The following LRRCC1 variants were observed in gnomAD, a reference collection of about 807,000 sequenced individuals.
LRRCC1 encodes the protein leucine rich repeat and coiled-coil centrosomal protein 1, also known as leucine-rich repeat and coiled-coil domain-containing protein 1.
Under a neutral mutation model 126.0 loss-of-function variants are expected in LRRCC1, and 115 were observed. The ratio of observed to expected loss-of-function variants is 0.91; its 90% confidence interval spans 0.78 to 1.07. The LOEUF (loss-of-function observed/expected upper bound fraction) is 1.07, where lower values mean the gene tolerates loss of function less well. LRRCC1 is among the 50% of genes least tolerant of loss of function. The probability of loss-of-function intolerance (pLI) is 0.00; values close to 1 mark genes in which losing one functional copy is unlikely to be tolerated. For synonymous variants in LRRCC1, 400 were observed against 393.4 expected, an observed-to-expected ratio of 1.02 and a Z score of -0.20; for missense variants, 1,172 against 1,175.7, an observed-to-expected ratio of 1.00 and a Z score of 0.05.
At chr8:85,140,576 C>T (rs1811184969) in intron 17 of LRRCC1, among the ~76,000 whole-genome samples, 2 of 151,948 alleles carry the variant, frequency 1.3e-5, no homozygotes, top group Admixed American at 1.3e-4. Context: ...ATTGTTTTAC[C>T]TCCAGGATAC....
chr8:85,137,679 C>G lies in LRRCC1; in HGVS notation c.2493+52C>G, dbSNP rs73261894. The G allele has an allele frequency of 7.7e-3, 9,816 of 1,276,732 alleles. 645 individuals are homozygous for G. In the African/African-American group the frequency reaches 0.14, roughly 18 times the overall value. 79.1% of individuals were successfully genotyped at this position (1,276,732 alleles called of 1,614,324 possible). On this transcript the variant is annotated intron_variant, in intron 15 of 18. Coordinates refer to ENST00000360375, the MANE Select transcript of LRRCC1 (RefSeq NM_033402.5). ...AAGAGCAAATGGCAGGTTTGCAAAT[C>G]TTTGGATCAAAGTATCCAAAAGCTG...
At chr8:85,122,375 C>G (rs1361302547) in intron 6 of LRRCC1, among the ~76,000 whole-genome samples, 1 of 152,100 alleles carries the variant, frequency 6.6e-6, no homozygotes, top group Non-Finnish European at 1.5e-5. Flanking sequence ...TCCATGTAGA[C>G]TTTTTGATAT....
At chr8:85,110,490 C>T (rs905251302) in intron 3 of LRRCC1, among the ~76,000 whole-genome samples, 1 of 152,162 alleles carries the variant, frequency 6.6e-6, no homozygotes, top group Non-Finnish European at 1.5e-5. Flanking sequence ...AAGAATAGTT[C>T]CAATAGAACT....
chr8:85,121,071 A>G (rs1587391729), intron 6 of LRRCC1, among the ~76,000 whole-genome samples: 2 of 152,346 alleles, frequency 1.3e-5, no homozygotes, highest in Admixed American at 1.3e-4. Flanking sequence ...ATGAAGGTTC[A>G]GTTTTTCCAC....
At chr8:85,144,399 A>T (rs938917559) in intron 18 of LRRCC1, among the ~76,000 whole-genome samples, 28 of 99,624 alleles carry the variant, frequency 2.8e-4, no homozygotes, top group African/African-American at 1.1e-3. Flanking sequence ...AAATAGAGTT[A>T]AAATGTGTGT....
At chr8:85,108,432 T>G (rs1808434973) in intron 1 of LRRCC1, among the ~76,000 whole-genome samples, 1 of 152,204 alleles carries the variant, frequency 6.6e-6, no homozygotes, top group African/African-American at 2.4e-5. Context: ...CTATTGACAA[T>G]TTGTTCATCT....
At position 85,117,489 on chromosome 8, in the gene LRRCC1, C is replaced by G. The variant is rs540284261; in HGVS notation, c.930+1905C>G. 3.2e-4 allele frequency among the ~76,000 whole-genome samples: 49 copies of G among 152,248 alleles called. 1 individual carries two copies. In the South Asian group the frequency reaches 0.01, roughly 32 times the overall value. ...AATTTCATTGAGCTGTTCGTACACT[C>G]AAATGATTTCATCTCGAGTATCAAT... is the stretch of plus-strand genomic sequence containing the variant. On this transcript the variant is annotated intron_variant, in intron 6 of 18. Transcript: ENST00000360375.
chr8:85,145,318 T>C, intron 18 of LRRCC1, 71 bp from the exon 19 acceptor site: 1 of 1,220,114 alleles, frequency 8.2e-7, no homozygotes, highest in Non-Finnish European at 1.1e-6. Context: ...TTGGACCTTT[T>C]CTTTCAGAAT....
intron 4 of LRRCC1, among the ~76,000 whole-genome samples, chr8:85,113,577 T>C (rs1808888089): frequency 6.6e-6 from 1 of 152,056 alleles, no homozygotes; most frequent in Non-Finnish European, 1.5e-5. Flanking sequence ...TGTGTGTGTG[T>C]GCTCAGTATA....
intron 1 of LRRCC1, chr8:85,109,334 A>G (rs1808509917): frequency 2.2e-6 from 1 of 458,340 alleles, no homozygotes; most frequent in Non-Finnish European, 3.8e-6. Context: ...TATGCTGATG[A>G]CTGCACACAG....
chr8:85,123,595 C>A lies in LRRCC1; in HGVS notation c.1113C>A (p.Asn371Lys). 6.4e-7 allele frequency: 1 copy of A among 1,574,304 alleles called. No individual in the cohort carries two copies. The highest frequency in any genetic ancestry group is 8.6e-7 in the Non-Finnish European group (1 of 1,167,758). Reference protein sequence around the residue: ...QTIKHHNKNYNSFVSCNRKMK... With the variant: ...QTIKHHNKNYKSFVSCNRKMK... ...TTAAGCACCACAATAAAAACTACAA[C>A]TCTTTTGTAAGGTACTTGTTTTAGT... Residue 371 changes from asparagine (N) to lysine (K), a missense_variant, in exon 7 of 19, where the codon AAC becomes AAA. Asn to Lys is a moderately conservative substitution (Grantham distance 94, BLOSUM62 0). Coordinates refer to ENST00000360375, the MANE Select transcript of LRRCC1 (RefSeq NM_033402.5).
chr8:85,113,105 A>G lies in LRRCC1; in HGVS notation c.544+6A>G. The G allele has an allele frequency of 2.5e-6, 4 of 1,589,622 alleles. No homozygotes were observed. Among genetic ancestry groups the G allele is most frequent in the Non-Finnish European group, 3.4e-6 (4 of 1,169,820 alleles). ...TCCTGTCTGTCGACTGCCAGGTATG[A>G]ATAATTAATTTAATATTTTTTCTAA... On this transcript the variant is annotated splice_donor_region_variant and intron_variant, in intron 4 of 18. Transcript: ENST00000360375.
At position 85,107,279 on chromosome 8, in the gene LRRCC1, T is replaced by TC. The variant is rs1563923129; in HGVS notation, c.-13dup. 1 of 1,603,010 alleles carries TC rather than the reference T, an allele frequency of 6.2e-7. No homozygotes were observed. The highest frequency in any genetic ancestry group is 8.5e-7 in the Non-Finnish European group (1 of 1,174,472). ...CGCTGGGTGCCGGTTAAGACCCCGC[T>TC]CCCCGTCGCCAGTGCTATGGAGGCG... On this transcript the variant is annotated 5_prime_UTR_variant, in exon 1 of 19. Coordinates refer to ENST00000360375, the MANE Select transcript of LRRCC1 (RefSeq NM_033402.5).
chr8:85,107,435 A>G, intron 1 of LRRCC1, 36 bp downstream of exon 1: 1 of 1,564,364 alleles, frequency 6.4e-7, no homozygotes, highest in Non-Finnish European at 8.7e-7. Flanking sequence ...CGACCCGCGC[A>G]CTCCCCAGAG....
At position 85,110,145 on chromosome 8, in the gene LRRCC1, TA is replaced by T; in HGVS notation, c.344del (p.Asn115MetfsTer7). 2 of 1,328,050 alleles carry T rather than the reference TA, an allele frequency of 1.5e-6. No individual in the cohort carries two copies. Among genetic ancestry groups the T allele is most frequent in the South Asian group, 1.4e-5 (1 of 70,024 alleles). The allele number at this position is 1,328,050 out of a possible 1,614,324, so 82.3% of individuals were successfully genotyped here. A position where few individuals can be genotyped will look rare whatever the true frequency, so the allele number is the denominator to read the frequency against. ...GLEELINLTR[L>X]NVSYNHIDDL... is the part of the protein sequence containing the mutation. ...GAAGAACTAATTAATCTGACTAGAC[TA>T]AATGTATCTTATAACCACATAGATG... On this transcript the variant is annotated frameshift_variant, in exon 3 of 19. Transcript: ENST00000360375. LOFTEE classifies it high-confidence loss of function.
At chr8:85,108,935 C>T (rs1470217863) in intron 1 of LRRCC1, 2 of 152,212 alleles carry the variant, frequency 1.3e-5, no homozygotes, top group Non-Finnish European at 2.9e-5. Flanking sequence ...GATCCATTAA[C>T]TTTCAACAAG....
At chr8:85,133,036 T>A (rs552108712) in intron 12 of LRRCC1, among the ~76,000 whole-genome samples, 33 of 152,356 alleles carry the variant, frequency 2.2e-4, no homozygotes, top group Non-Finnish European at 4.0e-4. Flanking sequence ...TGCTTCCATT[T>A]ACAACAGAAC....
intron 9 of LRRCC1, among the ~76,000 whole-genome samples, chr8:85,128,478 C>T (rs1810188597): frequency 7.0e-6 from 1 of 143,148 alleles, no homozygotes; most frequent in African/African-American, 2.6e-5. Flanking sequence ...ACCAATCTCC[C>T]TGTTCCCTTA....
At chr8:85,111,598 T>G (rs1437432758) in intron 3 of LRRCC1, among the ~76,000 whole-genome samples, 3 of 152,018 alleles carry the variant, frequency 2.0e-5, no homozygotes, top group Admixed American at 6.6e-5. Context: ...GGGCTTACAT[T>G]ATAGTGGGGA....
Sources: allele counts gnomAD v4.1 joint callset (sites outside exome capture counted in the v4.1 genomes callset), GRCh38; gene constraint gnomAD v4.1.1; transcripts MANE v1.5; gene names NCBI Gene and HGNC (gene_info 2026-07-23, HGNC 2026-07-21).